Variants in NR2C1 observed in about 807,000 individuals in gnomAD.
NR2C1 encodes the protein nuclear receptor subfamily 2 group C member 1.
A neutral mutation model predicts 74.8 loss-of-function variants in NR2C1; 33 were observed. The observed-to-expected ratio is 0.44, with a 90% confidence interval of 0.33 to 0.59. NR2C1 has a LOEUF of 0.59. NR2C1 is among the 20% of genes least tolerant of loss of function. The pLI is 0.02. For missense variants in NR2C1, 568 were observed against 715.6 expected (o/e 0.79, Z 2.35); for synonymous variants, 225 against 240.6 (o/e 0.94, Z 0.60).
chr12:95,073,244 C>T (rs2136220407), intron 1 of NR2C1, 136 bp downstream of exon 1: 1 of 152,436 alleles, frequency 6.6e-6, no homozygotes, highest in South Asian at 2.1e-4. Context: ...CGCTCCCAAA[C>T]TGAACGGCTC....
chr12:95,027,516 C>G (rs1451109658), intron 12 of NR2C1, among the ~76,000 whole-genome samples: 1 of 152,122 alleles, frequency 6.6e-6, no homozygotes, highest in Non-Finnish European at 1.5e-5. Context: ...GCGGGTAGAT[C>G]ACCTTAGGTC....
At chr12:95,022,489 T>C in intron 13 of NR2C1, 86 bp from the exon 14 acceptor site, 1 of 1,042,344 alleles carries the variant, frequency 9.6e-7, no homozygotes, top group South Asian at 1.4e-5. Flanking sequence ...TTTCTGCATG[T>C]GGCCTAATTT....
intron 1 of NR2C1, among the ~76,000 whole-genome samples, chr12:95,071,664 T>C (rs1482174045): frequency 2.0e-5 from 3 of 151,734 alleles, no homozygotes; most frequent in Non-Finnish European, 4.4e-5. Context: ...CCACCATTTC[T>C]ATAAAACAAA....
chr12:95,049,647 T>G (rs1872725643), intron 8 of NR2C1, among the ~76,000 whole-genome samples: 1 of 151,128 alleles, frequency 6.6e-6, no homozygotes, highest in African/African-American at 2.5e-5. Context: ...ACATTATATG[T>G]ATGATATATA....
chr12:95,036,096 T>TAA, intron 10 of NR2C1, among the ~76,000 whole-genome samples: 1 of 152,288 alleles, frequency 6.6e-6, no homozygotes, highest in Middle Eastern at 3.4e-3. Flanking sequence ...CTCCTCCATT[T>TAA]AAGGTTAATA....
intron 7 of NR2C1, among the ~76,000 whole-genome samples, chr12:95,054,447 C>T (rs1478761115): frequency 6.6e-6 from 1 of 152,060 alleles, no homozygotes; most frequent in Non-Finnish European, 1.5e-5. Flanking sequence ...GCTGGGACTA[C>T]AGGCATGTAC....
At chr12:95,056,908 G>A (rs546798853) in intron 7 of NR2C1, among the ~76,000 whole-genome samples, 1 of 148,444 alleles carries the variant, frequency 6.7e-6, no homozygotes, top group East Asian at 2.0e-4. Flanking sequence ...GCAGTGAGCC[G>A]AGACTGTGCC....
chr12:95,062,371 G>C, intron 3 of NR2C1, 137 bp downstream of exon 3: 1 of 626,078 alleles, frequency 1.6e-6, no homozygotes, highest in Non-Finnish European at 2.8e-6. Context: ...TGTCACTGTA[G>C]ATACTGTGTT....
intron 8 of NR2C1, among the ~76,000 whole-genome samples, chr12:95,050,162 GAAT>G (rs1383745252): frequency 2.0e-5 from 3 of 152,218 alleles, no homozygotes; most frequent in African/African-American, 4.8e-5. Context: ...TTTGATATTA[GAAT>G]AATAACAAAC....
chr12:95,041,354 G>T (rs1041093821), intron 9 of NR2C1, among the ~76,000 whole-genome samples: 2 of 151,884 alleles, frequency 1.3e-5, no homozygotes, highest in African/African-American at 2.4e-5. Context: ...AGCCGTGTGT[G>T]GTGAGCAGTC....
intron 10 of NR2C1, among the ~76,000 whole-genome samples, chr12:95,032,432 T>C (rs1382677950): frequency 1.4e-5 from 2 of 144,920 alleles, no homozygotes; most frequent in Non-Finnish European, 3.0e-5. Flanking sequence ...CACTCCAGCC[T>C]GGGTGACACA....
At chr12:95,069,544 G>T (rs1283611177) in intron 1 of NR2C1, among the ~76,000 whole-genome samples, 1 of 152,192 alleles carries the variant, frequency 6.6e-6, no homozygotes, top group African/African-American at 2.4e-5. Flanking sequence ...TATGTGTATG[G>T]TAAGTTATAC....
intron 2 of NR2C1, chr12:95,067,115 C>T: frequency 1.8e-6 from 1 of 566,964 alleles, no homozygotes. Context: ...CAATTTTCTT[C>T]TGTGCTCCCA....
intron 12 of NR2C1, among the ~76,000 whole-genome samples, chr12:95,026,142 G>A (rs1168341912): frequency 1.3e-5 from 2 of 151,866 alleles, no homozygotes; most frequent in African/African-American, 4.8e-5. Flanking sequence ...AGGAGGCGGA[G>A]GTTGTGGTGA....
intron 9 of NR2C1, among the ~76,000 whole-genome samples, chr12:95,043,999 T>C (rs901183236): frequency 2.6e-5 from 4 of 152,202 alleles, no homozygotes; most frequent in Non-Finnish European, 2.9e-5. Context: ...GAAGAAACAA[T>C]AGTCCATTTC....
At chr12:95,032,484 C>A (rs956890692) in intron 10 of NR2C1, among the ~76,000 whole-genome samples, 1 of 150,138 alleles carries the variant, frequency 6.7e-6, no homozygotes, top group Admixed American at 6.6e-5. Context: ...AAAAAAAAGA[C>A]CCCCATCTCT....
intron 10 of NR2C1, among the ~76,000 whole-genome samples, chr12:95,037,876 C>T (rs1436232925): frequency 8.3e-6 from 1 of 120,842 alleles, no homozygotes; most frequent in Non-Finnish European, 1.6e-5. Flanking sequence ...GTCTGGGCGA[C>T]AGAGCGAGCC....
At chr12:95,044,949 C>T (rs937480726) in intron 9 of NR2C1, among the ~76,000 whole-genome samples, 2 of 151,790 alleles carry the variant, frequency 1.3e-5, no homozygotes, top group Non-Finnish European at 2.9e-5. Context: ...CCTATAATCT[C>T]AGCACTTTTG....
intron 10 of NR2C1, among the ~76,000 whole-genome samples, chr12:95,035,635 T>C (rs1870726280): frequency 6.6e-6 from 1 of 152,162 alleles, no homozygotes. Context: ...TACCAGATTA[T>C]TGTGTTTCCA....
Sources: gnomAD v4.1 joint callset for allele counts (sites outside exome capture counted in the v4.1 genomes callset) on GRCh38, gnomAD v4.1.1 for gene constraint, MANE v1.5 for transcripts, NCBI Gene and HGNC (gene_info 2026-07-23, HGNC 2026-07-21) for gene names.